Variants in AQP4 observed in about 807,000 individuals in gnomAD.
The protein encoded by AQP4 is aquaporin 4.
A neutral mutation model predicts 27.8 loss-of-function variants in AQP4; 18 were observed. The observed-to-expected ratio is 0.65, with a 90% confidence interval of 0.45 to 0.96. AQP4 has a LOEUF of 0.96. AQP4 is among the 40% of genes least tolerant of loss of function. The probability of loss-of-function intolerance (pLI) is 0.00; values close to 1 mark genes in which losing one functional copy is unlikely to be tolerated. For missense variants in AQP4, 412 were observed against 408.2 expected (o/e 1.01, Z -0.08); for synonymous variants, 141 against 142.9 (o/e 0.99, Z 0.10).
In AQP4 at chr18:26,857,712, G is replaced by A. The variant is rs377177507; in HGVS notation, c.694-1223C>T. Reference sequence around the variant, plus strand: ...CAGACATTTGCTTTAGAGCACATGTGTGCTGTAGAATATTAGACATTTATT... The same window carrying A: ...CAGACATTTGCTTTAGAGCACATGTATGCTGTAGAATATTAGACATTTATT... On this transcript the variant is annotated intron_variant, in intron 4 of 4. Coordinates refer to ENST00000383168, the MANE Select transcript of AQP4 (RefSeq NM_001650.7). Among the ~76,000 whole-genome samples the A allele has an allele frequency of 5.3e-4, 80 of 152,332 alleles. 1 individual carries two copies. Among genetic ancestry groups the A allele is most frequent in the African/African-American group, 1.9e-3 (80 of 41,578 alleles).
rs760739412 is a variant in AQP4 at position 26,862,543 on chromosome 18, AC to A, written c.85del (p.Val29SerfsTer72). On this transcript the variant is annotated frameshift_variant, in exon 2 of 5. Coordinates refer to ENST00000383168, the MANE Select transcript of AQP4 (RefSeq NM_001650.7). LOFTEE classifies it high-confidence loss of function. ...RENIMVAFKGVWTQAFWKAVT... is the reference protein window; with the variant it reads ...RENIMVAFKGXWTQAFWKAVT... The stretch of plus-strand genomic sequence containing the variant: ...TGCTTTCCAGAAAGCTTGAGTCCAG[AC>A]CCCTTTGAAAGCCACCATGATGTTC... 6 of 1,614,120 alleles carry A rather than the reference AC, an allele frequency of 3.7e-6. No homozygotes were observed. The highest frequency in any genetic ancestry group is 4.2e-6 in the Non-Finnish European group (5 of 1,180,024).
In AQP4 at chr18:26,860,797, A is replaced by G. The variant is rs1568068085; in HGVS notation, c.668T>C (p.Ile223Thr). 1 of 1,614,134 alleles carries G rather than the reference A, an allele frequency of 6.2e-7. No homozygotes were observed. The highest frequency in any genetic ancestry group is 1.7e-5 in the Admixed American group (1 of 60,030). The stretch of plus-strand genomic sequence containing the variant: ...CCAATGGTTTTCCCAATTTCCCATG[A>G]TAACTGCAGGTCCAAAGGATCGGGC... Reference protein sequence around the residue: ...NPARSFGPAVIMGNWENHWIY... With the variant: ...NPARSFGPAVTMGNWENHWIY... The change falls in exon 4 of 5, where the codon ATC becomes ACC. Residue 223 changes from isoleucine to threonine, a missense_variant. Physicochemically the swap from Ile to Thr is moderately conservative, Grantham distance 89. Coordinates refer to ENST00000383168, the MANE Select transcript of AQP4 (RefSeq NM_001650.7).
chr18:26,852,908 G>A lies in AQP4; in HGVS notation c.*3303C>T, dbSNP rs1051164329. 20 of 398,314 alleles carry A rather than the reference G, an allele frequency of 5.0e-5. No homozygotes were observed. The highest frequency in any genetic ancestry group is 1.3e-4 in the Admixed American group (3 of 22,708). The allele number at this position is 398,314 out of a possible 1,614,324, so 24.7% of individuals were successfully genotyped here. On this transcript the variant is annotated 3_prime_UTR_variant, in exon 5 of 5. Coordinates refer to ENST00000383168, the MANE Select transcript of AQP4 (RefSeq NM_001650.7). ...AAATTCTCTGTGAATTGTTCGTAAC[G>A]TGAGGTTGGTGTCAACATGCTGCAA...
In AQP4 at chr18:26,856,331, C is replaced by G; in HGVS notation, c.852G>C (p.Arg284Ser). 1 of 1,614,248 alleles carries G rather than the reference C, an allele frequency of 6.2e-7. No homozygotes were observed. Reference protein sequence around the residue: ...KGSYMEVEDNRSQVETDDLIL... With the variant: ...KGSYMEVEDNSSQVETDDLIL... The stretch of plus-strand genomic sequence containing the variant: ...TCAGGTCATCCGTCTCTACCTGACT[C>G]CTGTTGTCCTCCACCTCCATGTAGC... The change falls in exon 5 of 5, where the codon AGG (arginine) becomes AGC (serine). Residue 284 changes from arginine (R) to serine (S), a missense_variant. Physicochemically the swap from Arg to Ser is moderately radical, Grantham distance 110 (BLOSUM62 -1). Transcript: ENST00000383168.
At chr18:26,861,939 C>A in intron 2 of AQP4, 1 of 565,402 alleles carries the variant, frequency 1.8e-6, no homozygotes, top group South Asian at 2.1e-5. Flanking sequence ...GAGGAAAAAA[C>A]CAACACAATT....
Position 26,854,617 on chromosome 18 carries a change from A to T in AQP4, c.*1594T>A, listed in dbSNP as rs1256340146. The T allele has an allele frequency of 2.0e-5, 3 of 152,660 alleles. No homozygotes were observed. The highest frequency in any genetic ancestry group is 4.4e-5 in the Non-Finnish European group (3 of 68,050). The allele number at this position is 152,660 out of a possible 1,614,324, so 9.5% of individuals were successfully genotyped here. A position where few individuals can be genotyped will look rare whatever the true frequency, so the allele number is the denominator to read the frequency against. On this transcript the variant is annotated 3_prime_UTR_variant, in exon 5 of 5. Coordinates refer to ENST00000383168, the MANE Select transcript of AQP4 (RefSeq NM_001650.7). ...AGAGAATCAGGTTTAATAGTGGTCC[A>T]TTATCTCACTGCCACAGACACACAA...
intron 4 of AQP4, among the ~76,000 whole-genome samples, chr18:26,857,284 G>A (rs914583471): frequency 1.3e-5 from 2 of 151,386 alleles, no homozygotes; most frequent in Non-Finnish European, 2.9e-5. Flanking sequence ...TTGAGAAGTA[G>A]CAATTCCATA....
intron 4 of AQP4, among the ~76,000 whole-genome samples, chr18:26,858,510 G>C (rs1400469387): frequency 1.3e-5 from 2 of 152,162 alleles, no homozygotes; most frequent in Non-Finnish European, 1.5e-5. Context: ...CGGGGAAACT[G>C]TTGCTAGTGT....
At chr18:26,865,625 A>T in intron 1 of AQP4, 33 bp downstream of exon 1, 1 of 1,614,108 alleles carries the variant, frequency 6.2e-7, no homozygotes, top group Non-Finnish European at 8.5e-7. Flanking sequence ...TTTGGCCCTA[A>T]GCGTTGTTCC....
Position 26,855,562 on chromosome 18 carries a change from T to C in AQP4, c.*649A>G, listed in dbSNP as rs1261583438. ...TTTCTGAATATTCTTTTCAAATTTCTGGGCTTTAGTCCCACATTACCTTGG... is the reference window on the plus strand; with the variant it reads ...TTTCTGAATATTCTTTTCAAATTTCCGGGCTTTAGTCCCACATTACCTTGG... On this transcript the variant is annotated 3_prime_UTR_variant, in exon 5 of 5. Coordinates refer to ENST00000383168, the MANE Select transcript of AQP4 (RefSeq NM_001650.7). 1 of 152,802 alleles carries C rather than the reference T, an allele frequency of 6.5e-6. No individual in the cohort carries two copies. The highest frequency in any genetic ancestry group is 2.4e-5 in the African/African-American group (1 of 41,460). The allele number at this position is 152,802 out of a possible 1,614,324, so 9.5% of individuals were successfully genotyped here.
Position 26,855,443 on chromosome 18 carries a change from T to C in AQP4, c.*768A>G, listed in dbSNP as rs1263081276. 1 of 152,306 alleles carries C rather than the reference T, an allele frequency of 6.6e-6. No individual in the cohort carries two copies. Among genetic ancestry groups the C allele is most frequent in the Non-Finnish European group, 1.5e-5 (1 of 68,106 alleles). 9.4% of individuals were successfully genotyped at this position (152,306 alleles called of 1,614,324 possible). Reference sequence around the variant, plus strand: ...TACAGATCTCCTTTTTGTTTGTGATTTTTGTATGATGATAACTTTGCCTCT... The same window carrying C: ...TACAGATCTCCTTTTTGTTTGTGATCTTTGTATGATGATAACTTTGCCTCT... On this transcript the variant is annotated 3_prime_UTR_variant, in exon 5 of 5. Transcript: ENST00000383168.
intron 4 of AQP4, among the ~76,000 whole-genome samples, chr18:26,858,044 G>T (rs914264895): frequency 1.3e-5 from 2 of 152,090 alleles, no homozygotes; most frequent in Non-Finnish European, 2.9e-5. Context: ...GCCAAGGTGG[G>T]TGGATTGCTT....
chr18:26,863,518 T>C (rs1345613225), intron 1 of AQP4, among the ~76,000 whole-genome samples: 1 of 150,730 alleles, frequency 6.6e-6, no homozygotes, highest in Non-Finnish European at 1.5e-5. Flanking sequence ...GAGATGGGAG[T>C]GGGGGATGCT....
chr18:26,852,872 G>T lies in AQP4; in HGVS notation c.*3339C>A. ...GCCCCCCAGACTTCCATCTTCAGTT[G>T]CCACAAAGGCAAATTCTCTGTGAAT... On this transcript the variant is annotated 3_prime_UTR_variant, in exon 5 of 5. Coordinates refer to ENST00000383168, the MANE Select transcript of AQP4 (RefSeq NM_001650.7). 2.5e-6 allele frequency: 1 copy of T among 398,502 alleles called. No individual in the cohort carries two copies. The highest frequency in any genetic ancestry group is 1.3e-4 in the South Asian group (1 of 7,854). The allele number at this position is 398,502 out of a possible 1,614,324, so 24.7% of individuals were successfully genotyped here.
intron 4 of AQP4, among the ~76,000 whole-genome samples, chr18:26,858,798 T>G (rs1206927305): frequency 6.6e-6 from 1 of 152,140 alleles, no homozygotes; most frequent in Non-Finnish European, 1.5e-5. Flanking sequence ...AGTTGCTATT[T>G]CAAAATGAAG....
At chr18:26,858,839 T>A (rs1490354153) in intron 4 of AQP4, among the ~76,000 whole-genome samples, 1 of 152,204 alleles carries the variant, frequency 6.6e-6, no homozygotes, top group African/African-American at 2.4e-5. Context: ...AGAATCTTTA[T>A]TGCTAAAAAT....
At position 26,853,279 on chromosome 18, in the gene AQP4, A is replaced by G. The variant is rs2144939238; in HGVS notation, c.*2932T>C. ...AATAAAGTGTAGGAATCTTAAATTT[A>G]GGCAACTACTTAAGTCCAGAAAATA... On this transcript the variant is annotated 3_prime_UTR_variant, in exon 5 of 5. Coordinates refer to ENST00000383168, the MANE Select transcript of AQP4 (RefSeq NM_001650.7). The G allele has an allele frequency of 5.9e-6, 1 of 169,494 alleles. No individual in the cohort carries two copies. Among genetic ancestry groups the G allele is most frequent in the African/African-American group, 2.4e-5 (1 of 42,468 alleles). 10.5% of individuals were successfully genotyped at this position (169,494 alleles called of 1,614,324 possible).
At chr18:26,865,523 A>T in intron 1 of AQP4, 135 bp downstream of exon 1, 1 of 1,095,450 alleles carries the variant, frequency 9.1e-7, no homozygotes, top group Non-Finnish European at 1.4e-6. Flanking sequence ...CAGTACTCAG[A>T]TCTAAAAGAA....
intron 4 of AQP4, among the ~76,000 whole-genome samples, chr18:26,860,529 A>G (rs1156540812): frequency 6.6e-6 from 1 of 152,200 alleles, no homozygotes; most frequent in Non-Finnish European, 1.5e-5. Flanking sequence ...TAGTGCTTCA[A>G]AAAAGGAAAA....
Sources: allele counts gnomAD v4.1 joint callset (sites outside exome capture counted in the v4.1 genomes callset), GRCh38; gene constraint gnomAD v4.1.1; transcripts MANE v1.5; gene names NCBI Gene and HGNC (gene_info 2026-07-23, HGNC 2026-07-21).